FHIT: variants seen among roughly 807,000 people sequenced by gnomAD.
FHIT encodes the protein bis(5'-adenosyl)-triphosphatase.
A neutral mutation model predicts 17.9 loss-of-function variants in FHIT; 19 were observed. The ratio of observed to expected loss-of-function variants is 1.06; its 90% confidence interval spans 0.74 to 1.56. FHIT has a LOEUF of 1.56. FHIT is among the 40% of genes most tolerant of loss of function. The pLI is 0.00. For missense variants in FHIT, 248 were observed against 189.2 expected (o/e 1.31, Z -1.82); for synonymous variants, 81 against 69.7 (o/e 1.16, Z -0.81).
intron 5 of FHIT, among the ~76,000 whole-genome samples, chr3:60,068,374 T>C (rs1028240625): frequency 4.6e-5 from 7 of 152,230 alleles, no homozygotes; most frequent in South Asian, 2.1e-4. Context: ...TGGTCTTGAC[T>C]CTGCATCTTA....
chr3:60,591,297 T>C (rs2038075778), intron 4 of FHIT, among the ~76,000 whole-genome samples: 1 of 149,664 alleles, frequency 6.7e-6, no homozygotes, highest in African/African-American at 2.4e-5. Context: ...AACTACAGCA[T>C]GACCCTCTAG....
At chr3:60,868,295 T>C (rs1704251296) in intron 3 of FHIT, among the ~76,000 whole-genome samples, 1 of 152,160 alleles carries the variant, frequency 6.6e-6, no homozygotes, top group South Asian at 2.1e-4. Flanking sequence ...TGTGAAACCC[T>C]AGTCTACAGT....
intron 5 of FHIT, among the ~76,000 whole-genome samples, chr3:60,214,317 G>T (rs1215828115): frequency 6.6e-6 from 1 of 152,006 alleles, no homozygotes; most frequent in Non-Finnish European, 1.5e-5. Flanking sequence ...TTTCAACACA[G>T]CTATCCTTTT....
At chr3:61,046,320 C>T (rs1575907267) in intron 2 of FHIT, among the ~76,000 whole-genome samples, 1 of 152,104 alleles carries the variant, frequency 6.6e-6, no homozygotes, top group Non-Finnish European at 1.5e-5. Context: ...CACCACCGAT[C>T]CCACAGAAAT....
chr3:59,941,625 A>C (rs1006171035), intron 7 of FHIT, among the ~76,000 whole-genome samples: 5 of 152,114 alleles, frequency 3.3e-5, no homozygotes, highest in Admixed American at 2.6e-4. Context: ...TTTGCATTCA[A>C]AGTGTGATAA....
intron 3 of FHIT, among the ~76,000 whole-genome samples, chr3:60,889,802 G>A (rs1426358316): frequency 6.6e-6 from 1 of 152,178 alleles, no homozygotes; most frequent in Non-Finnish European, 1.5e-5. Context: ...GGCAAATTGG[G>A]TTAATATGAT....
chr3:60,703,997 A>T (rs569656303), intron 4 of FHIT, among the ~76,000 whole-genome samples: 11,036 of 141,350 alleles, frequency 0.078, 718 homozygotes, highest in African/African-American at 0.22. Context: ...ATTTTTTTTT[A>T]AAAAAAATCT....
chr3:61,173,538 T>C (rs1171969404), intron 2 of FHIT, among the ~76,000 whole-genome samples: 1 of 152,220 alleles, frequency 6.6e-6, no homozygotes, highest in Non-Finnish European at 1.5e-5. Context: ...TTTCACAGAA[T>C]ATACATATAC....
intron 5 of FHIT, among the ~76,000 whole-genome samples, chr3:60,532,209 G>A (rs766789239): frequency 1.8e-4 from 28 of 152,184 alleles, no homozygotes; most frequent in Admixed American, 3.3e-4. Context: ...ATCCACAAAT[G>A]TTGCTGTGTC....
chr3:61,202,879 T>A (rs989021068), intron 1 of FHIT, among the ~76,000 whole-genome samples: 23 of 151,834 alleles, frequency 1.5e-4, no homozygotes, highest in Non-Finnish European at 2.5e-4. Flanking sequence ...TGGTGAAACC[T>A]TGTCTCTACT....
chr3:59,797,446 C>T (rs1699822281), intron 8 of FHIT, among the ~76,000 whole-genome samples: 1 of 152,170 alleles, frequency 6.6e-6, no homozygotes, highest in South Asian at 2.1e-4. Context: ...CTTGGCCTCC[C>T]AAAATGTTGG....
Position 60,855,757 on chromosome 3 carries a change from A to C in FHIT, c.-110-33746T>G, listed in dbSNP as rs1703355408. Among the ~76,000 whole-genome samples, 5 of 152,102 alleles carry C rather than the reference A, an allele frequency of 3.3e-5. No homozygotes were observed. The South Asian group carries it at 1.0e-3, about 32-fold the overall frequency. On this transcript the variant is annotated intron_variant, in intron 3 of 9. Transcript: ENST00000492590. ...GTCGTATCCCTGTGGGACTCCCTTA[A>C]AGTTCTAGTGTTCTGTAGTGTACTT...
chr3:60,757,576 G>A (rs1474516645), intron 4 of FHIT, among the ~76,000 whole-genome samples: 5 of 152,126 alleles, frequency 3.3e-5, no homozygotes, highest in African/African-American at 7.2e-5. Context: ...GCTAAGAGCC[G>A]GTGAGGACAC....
chr3:60,455,541 C>T (rs542367927), intron 5 of FHIT, among the ~76,000 whole-genome samples: 1 of 152,224 alleles, frequency 6.6e-6, no homozygotes, highest in Admixed American at 6.5e-5. Flanking sequence ...CAGAGATAGG[C>T]ACATAGTGGG....
intron 5 of FHIT, among the ~76,000 whole-genome samples, chr3:60,272,626 T>C (rs575102505): frequency 1.3e-5 from 2 of 152,290 alleles, no homozygotes; most frequent in East Asian, 3.9e-4. Context: ...GTTCTGAACA[T>C]TAATGAGGAT....
At chr3:60,363,821 G>T (rs368272926) in intron 5 of FHIT, among the ~76,000 whole-genome samples, 2 of 152,158 alleles carry the variant, frequency 1.3e-5, no homozygotes, top group Non-Finnish European at 2.9e-5. Flanking sequence ...GAGAAGGAGG[G>T]AAGAACAGTT....
chr3:60,319,788 T>C (rs893529094), intron 5 of FHIT, among the ~76,000 whole-genome samples: 2 of 152,098 alleles, frequency 1.3e-5, no homozygotes, highest in African/African-American at 4.8e-5. Flanking sequence ...TTACCATAGT[T>C]CGTTTGGGGT....
intron 8 of FHIT, among the ~76,000 whole-genome samples, chr3:59,919,145 T>A (rs981412744): frequency 6.6e-6 from 1 of 152,100 alleles, no homozygotes; most frequent in Non-Finnish European, 1.5e-5. Context: ...GCGGTAATGA[T>A]CAAATGGGTC....
intron 5 of FHIT, among the ~76,000 whole-genome samples, chr3:60,429,660 C>T (rs904633353): frequency 5.9e-5 from 9 of 151,914 alleles, no homozygotes; most frequent in African/African-American, 2.2e-4. Context: ...TGGAGGGAAC[C>T]CATAAACCCA....
Sources: gnomAD v4.1 joint callset for allele counts (sites outside exome capture counted in the v4.1 genomes callset) on GRCh38, gnomAD v4.1.1 for gene constraint, MANE v1.5 for transcripts, NCBI Gene and HGNC (gene_info 2026-07-23, HGNC 2026-07-21) for gene names.